FOXP1: variants seen among roughly 807,000 people sequenced by gnomAD.
The protein encoded by FOXP1 is forkhead box P1, also known as forkhead box protein P1.
A neutral mutation model predicts 98.2 loss-of-function variants in FOXP1; 15 were observed. That is an observed-to-expected ratio of 0.15 (90% CI 0.10 to 0.24). The LOEUF (loss-of-function observed/expected upper bound fraction) is 0.24, where lower values mean the gene tolerates loss of function less well. Ranked by LOEUF, FOXP1 falls within the 10% of genes least tolerant of loss-of-function variation. The pLI, the probability that FOXP1 is intolerant of heterozygous loss-of-function variation, is 1.00. For synonymous variants in FOXP1, 371 were observed against 314.5 expected (o/e 1.18, Z -1.90); for missense variants, 633 against 848.5 (o/e 0.75, Z 3.15).
At chr3:71,540,091 G>A (rs891581636) in intron 2 of FOXP1, among the ~76,000 whole-genome samples, 4 of 152,212 alleles carry the variant, frequency 2.6e-5, no homozygotes, top group African/African-American at 4.8e-5. Context: ...GCCCTAGGTT[G>A]GTCTTAATGG....
chr3:70,993,029 G>A (rs1006880764), intron 13 of FOXP1, among the ~76,000 whole-genome samples: 2 of 152,138 alleles, frequency 1.3e-5, no homozygotes, highest in Admixed American at 6.5e-5. Flanking sequence ...AGGGCCAAAG[G>A]GGGATACATT....
chr3:70,960,965 C>T (rs1483596825), intron 20 of FOXP1, among the ~76,000 whole-genome samples: 1 of 151,384 alleles, frequency 6.6e-6, no homozygotes, highest in African/African-American at 2.4e-5. Context: ...CCTCAGCCTC[C>T]TGAGTAAGCT....
chr3:71,296,418 A>G (rs772888259), intron 5 of FOXP1: 33 of 152,232 alleles, frequency 2.2e-4, no homozygotes, highest in Non-Finnish European at 4.6e-4. Context: ...TTTAAATTGT[A>G]TATTTCCAAC....
chr3:71,275,088 G>A (rs2070755597), intron 5 of FOXP1, among the ~76,000 whole-genome samples: 1 of 152,110 alleles, frequency 6.6e-6, no homozygotes. Flanking sequence ...AAAATATTCT[G>A]TACACAATAC....
At chr3:71,162,023 C>T (rs1453144821) in intron 6 of FOXP1, among the ~76,000 whole-genome samples, 1 of 152,092 alleles carries the variant, frequency 6.6e-6, no homozygotes, top group Non-Finnish European at 1.5e-5. Flanking sequence ...AGTTCTGGAC[C>T]AATTGAGGAA....
chr3:71,423,280 C>G (rs2108340237), intron 3 of FOXP1, among the ~76,000 whole-genome samples: 1 of 152,298 alleles, frequency 6.6e-6, no homozygotes, highest in South Asian at 2.1e-4. Flanking sequence ...TGGCAACTTG[C>G]CAAGCGCATC....
rs80310535 is a variant in FOXP1, at chr3:71,112,805, C to G, written c.181-168G>C. The stretch of plus-strand genomic sequence containing the variant: ...CCACCAGTCTTAGTTGGAAAACTTT[C>G]CAGAATTTGTTTACGTTCCCTTTGA... On this transcript the variant is annotated intron_variant, in intron 6 of 20. Coordinates refer to ENST00000649528, the MANE Select transcript of FOXP1 (RefSeq NM_001349338.3). Among the ~76,000 whole-genome samples, 461 of 152,270 alleles carry G rather than the reference C, an allele frequency of 3.0e-3. 2 individuals carry two copies. In the East Asian group the frequency reaches 0.042, roughly 14 times the overall value.
chr3:71,437,913 G>C (rs1404133405), intron 3 of FOXP1, among the ~76,000 whole-genome samples: 2 of 152,186 alleles, frequency 1.3e-5, no homozygotes, highest in Non-Finnish European at 2.9e-5. Flanking sequence ...AAGAAAAGCT[G>C]TGTACACGAA....
chr3:71,079,173 G>C (rs1237776530), intron 7 of FOXP1, among the ~76,000 whole-genome samples: 1 of 152,046 alleles, frequency 6.6e-6, no homozygotes, highest in Non-Finnish European at 1.5e-5. Flanking sequence ...GGTGGGACAG[G>C]TGTCTGCCCC....
chr3:71,545,681 A>T (rs1193979562), intron 2 of FOXP1, among the ~76,000 whole-genome samples: 1 of 152,228 alleles, frequency 6.6e-6, no homozygotes, highest in Non-Finnish European at 1.5e-5. Flanking sequence ...TATAAATTTA[A>T]CCTATATATA....
intron 14 of FOXP1, among the ~76,000 whole-genome samples, chr3:70,979,648 C>G (rs1296469609): frequency 6.6e-6 from 1 of 152,026 alleles, no homozygotes; most frequent in Non-Finnish European, 1.5e-5. Context: ...TTGCTATAGT[C>G]AGTCTTAAGT....
At chr3:71,440,905 T>C (rs924469210) in intron 3 of FOXP1, among the ~76,000 whole-genome samples, 7 of 151,876 alleles carry the variant, frequency 4.6e-5, no homozygotes, top group African/African-American at 1.2e-4. Flanking sequence ...GAACAAAAAA[T>C]TGGAAAACTA....
At position 71,442,704 on chromosome 3, in the gene FOXP1, G is replaced by A. The variant is rs369165775; in HGVS notation, c.-168+50722C>T. Among the ~76,000 whole-genome samples, 10 of 151,946 alleles carry A rather than the reference G, an allele frequency of 6.6e-5. No homozygotes were observed. In the South Asian group the frequency reaches 1.3e-3, roughly 19 times the overall value. On this transcript the variant is annotated intron_variant, in intron 3 of 20. Transcript: ENST00000649528. Reference sequence around the variant, plus strand: ...TGACAACAATCACAGTCACTCCCACGTCTGGATTTGTCAAAAGCCCAGGCC... The same window carrying A: ...TGACAACAATCACAGTCACTCCCACATCTGGATTTGTCAAAAGCCCAGGCC...
intron 3 of FOXP1, among the ~76,000 whole-genome samples, chr3:71,476,786 G>C (rs2089887406): frequency 6.6e-6 from 1 of 151,968 alleles, no homozygotes; most frequent in East Asian, 1.9e-4. Flanking sequence ...TTACAGGTGT[G>C]AGCCACTGCG....
intron 3 of FOXP1, among the ~76,000 whole-genome samples, chr3:71,359,650 C>T (rs542638779): frequency 8.5e-5 from 13 of 152,274 alleles, no homozygotes; most frequent in African/African-American, 2.2e-4. Flanking sequence ...CAGTCTCAAG[C>T]GCTCCCAAGT....
chr3:71,475,669 T>C lies in FOXP1; in HGVS notation c.-168+17757A>G, dbSNP rs576022057. On this transcript the variant is annotated intron_variant, in intron 3 of 20. Coordinates refer to ENST00000649528, the MANE Select transcript of FOXP1 (RefSeq NM_001349338.3). The stretch of plus-strand genomic sequence containing the variant: ...ACCAGCCTGGCCAACATGGTGAAAC[T>C]CCATCTCTACTAATAATACAAAAAT... 1.3e-4 allele frequency among the ~76,000 whole-genome samples: 19 copies of C among 151,868 alleles called. 1 individual carries two copies. The East Asian group carries it at 3.5e-3, about 28-fold the overall frequency.
intron 2 of FOXP1, chr3:71,571,370 A>G (rs1299208279): frequency 6.6e-6 from 1 of 152,218 alleles, no homozygotes; most frequent in African/African-American, 2.4e-5. Context: ...TAGTCATTTA[A>G]AAAGAGCATT....
At chr3:71,484,115 C>CA (rs1329324354) in intron 3 of FOXP1, among the ~76,000 whole-genome samples, 4 of 152,162 alleles carry the variant, frequency 2.6e-5, no homozygotes, top group Non-Finnish European at 5.9e-5. Flanking sequence ...AAGCTGCCAC[C>CA]ACACATACAC....
chr3:71,550,141 C>T (rs1290527684), intron 2 of FOXP1, among the ~76,000 whole-genome samples: 1 of 152,158 alleles, frequency 6.6e-6, no homozygotes, highest in Non-Finnish European at 1.5e-5. Flanking sequence ...TCAGAAGTAG[C>T]CACATCATTG....
Sources: gnomAD v4.1 joint callset for allele counts (sites outside exome capture counted in the v4.1 genomes callset) on GRCh38, gnomAD v4.1.1 for gene constraint, MANE v1.5 for transcripts, NCBI Gene and HGNC (gene_info 2026-07-23, HGNC 2026-07-21) for gene names.